Variants in TBCD observed in about 807,000 individuals in gnomAD.
TBCD encodes tubulin-specific chaperone D.
In TBCD, 105 loss-of-function variants were observed where a neutral mutation model predicts 169.3. The ratio of observed to expected loss-of-function variants is 0.62; its 90% CI spans 0.53 to 0.73. The LOEUF is 0.73. TBCD is among the 30% of genes least tolerant of loss of function. TBCD has a pLI of 0.00. For synonymous variants in TBCD, 700 were observed against 643.9 expected (o/e 1.09, Z -1.32); for missense variants, 1,444 against 1,600.1 (o/e 0.90, Z 1.66).
chr17:82,915,539 GA>G lies in TBCD; in HGVS notation c.2038+3753del, dbSNP rs1177624333. Among the ~76,000 whole-genome samples the G allele has an allele frequency of 1.3e-5, 2 of 152,188 alleles. No homozygotes were observed. Among genetic ancestry groups the G allele is most frequent in the African/African-American group, 4.8e-5 (2 of 41,452 alleles). On this transcript the variant is annotated intron_variant, in intron 23 of 38. Coordinates refer to ENST00000355528, the MANE Select transcript of TBCD (RefSeq NM_005993.5). This position sits in a 1 kb window ranked among gnomAD's most constrained non-coding sequence, Gnocchi z 4.3. ...TTTCATGCTTTAGAATCAAAGGAAAGAAACAGGAACTCTGTTTAGTGAAGCA... is the reference window on the plus strand; with the variant it reads ...TTTCATGCTTTAGAATCAAAGGAAAGAACAGGAACTCTGTTTAGTGAAGCA...
At chr17:82,855,309 G>GGAGT (rs1242564635) in intron 13 of TBCD, among the ~76,000 whole-genome samples, 1 of 136,868 alleles carries the variant, frequency 7.3e-6, no homozygotes, top group South Asian at 2.3e-4. Context: ...TGCTCACGCT[G>GGAGT]GAGTGAGTGC....
intron 1 of TBCD, among the ~76,000 whole-genome samples, chr17:82,754,167 T>C (rs2047279800): frequency 6.6e-6 from 1 of 152,186 alleles, no homozygotes; most frequent in South Asian, 2.1e-4. Context: ...TGGAGTTTTA[T>C]TATTACTCAG....
rs1483116864 is a variant in TBCD at position 82,939,493 on chromosome 17, C to T, written c.3479+17C>T. ...CACTGCGTGGTGAGTGAAGGCCCTT[C>T]CTGCACGGCCACCTGGGCCTGGCAC... is the stretch of plus-strand genomic sequence containing the variant. On this transcript the variant is annotated intron_variant, in intron 37 of 38. Transcript: ENST00000355528. The T allele has an allele frequency of 6.3e-7, 1 of 1,597,552 alleles. No homozygotes were observed. Among genetic ancestry groups the T allele is most frequent in the Middle Eastern group, 1.7e-4 (1 of 6,046 alleles).
At chr17:82,829,154 C>T (rs2053244744) in intron 13 of TBCD, among the ~76,000 whole-genome samples, 2 of 152,196 alleles carry the variant, frequency 1.3e-5, no homozygotes, top group South Asian at 4.1e-4. Flanking sequence ...AATGTGCACA[C>T]ACCCGCAGAG....
chr17:82,807,683 C>A lies in TBCD; in HGVS notation c.1148+15C>A. On this transcript the variant is annotated intron_variant, in intron 11 of 38. Transcript: ENST00000355528. ...GCAGCCAAGGGGTAGGTGTCTGTGG[C>A]CGCAGAAGCACCCCGGGGGGTGGGC... 6.8e-7 allele frequency: 1 copy of A among 1,467,106 alleles called. No homozygotes were observed. The highest frequency in any genetic ancestry group is 1.4e-5 in the South Asian group (1 of 70,468). 90.9% of individuals were successfully genotyped at this position (1,467,106 alleles called of 1,614,324 possible).
chr17:82,859,538 G>C, intron 13 of TBCD: 1 of 985,400 alleles, frequency 1.0e-6, no homozygotes, highest in Non-Finnish European at 1.2e-6. Flanking sequence ...TGGGTGAGCA[G>C]ACACACAAGC....
chr17:82,874,351 G>C lies in TBCD; in HGVS notation c.1475+3971G>C, dbSNP rs2057813578. On this transcript the variant is annotated intron_variant, in intron 14 of 38. Coordinates refer to ENST00000355528, the MANE Select transcript of TBCD (RefSeq NM_005993.5). This position sits in a 1 kb window ranked among gnomAD's most constrained non-coding sequence, Gnocchi z 5.0. ...GCCTCCCCGGCATGTGGCGGGGCCA[G>C]CGTTGGCCTGGGTCCCACTTGGCTT... Among the ~76,000 whole-genome samples the C allele has an allele frequency of 6.6e-6, 1 of 152,162 alleles. No homozygotes were observed. Among genetic ancestry groups the C allele is most frequent in the African/African-American group, 2.4e-5 (1 of 41,442 alleles).
chr17:82,823,308 T>C (rs1295784059), intron 13 of TBCD, among the ~76,000 whole-genome samples: 4 of 152,300 alleles, frequency 2.6e-5, no homozygotes, highest in African/African-American at 4.8e-5. Context: ...CTGGGAGAGG[T>C]TGGGTCTGAG....
intron 14 of TBCD, chr17:82,877,014 C>T (rs2058023064): frequency 1.0e-6 from 1 of 979,256 alleles, no homozygotes; most frequent in Non-Finnish European, 1.2e-6. Context: ...AGTTTCTTCT[C>T]TTTTTTCCAT....
chr17:82,920,738 T>C lies in TBCD; in HGVS notation c.2101+120T>C, dbSNP rs1375290484. ...ATTATAGCTTAAAGGTTCAAGATAT[T>C]AATCGGATACGTTGCCTTGAAGTTG... On this transcript the variant is annotated intron_variant, in intron 24 of 38. Coordinates refer to ENST00000355528, the MANE Select transcript of TBCD (RefSeq NM_005993.5). This position sits in a 1 kb window ranked among gnomAD's most constrained non-coding sequence, Gnocchi z 4.1. 8 of 931,766 alleles carry C rather than the reference T, an allele frequency of 8.6e-6. No individual in the cohort carries two copies. Among genetic ancestry groups the C allele is most frequent in the Non-Finnish European group, 1.3e-5 (8 of 620,796 alleles). The allele number at this position is 931,766 out of a possible 1,614,324, so 57.7% of individuals were successfully genotyped here. A position where few individuals can be genotyped will look rare whatever the true frequency, so the allele number is the denominator to read the frequency against.
intron 13 of TBCD, among the ~76,000 whole-genome samples, chr17:82,855,041 C>CT (rs2056133278): frequency 6.8e-6 from 1 of 146,608 alleles, no homozygotes; most frequent in African/African-American, 2.8e-5. Flanking sequence ...TCGCATCTCC[C>CT]TGTGGCCTTC....
intron 23 of TBCD, among the ~76,000 whole-genome samples, chr17:82,919,565 G>A (rs2061288373): frequency 1.3e-5 from 2 of 152,110 alleles, no homozygotes; most frequent in South Asian, 4.1e-4. Context: ...ATGCAGAAGA[G>A]GAGCAGACTC....
Position 82,934,630 on chromosome 17 carries a change from G to A in TBCD, c.3191+1895G>A, listed in dbSNP as rs1230062853. On this transcript the variant is annotated intron_variant, in intron 34 of 38. Coordinates refer to ENST00000355528, the MANE Select transcript of TBCD (RefSeq NM_005993.5). ...TGGGATTACAGGCATGTGCTACCAT[G>A]CCCAGGTAATTTTGTATTTTTAGTA... Among the ~76,000 whole-genome samples the A allele has an allele frequency of 1.3e-5, 2 of 151,976 alleles. 1 individual carries two copies. The highest frequency in any genetic ancestry group is 4.2e-4 in the South Asian group (2 of 4,818).
rs2146256674 is a variant in TBCD, at chr17:82,884,265, T to A, written c.1533+63T>A. 6.9e-7 allele frequency: 1 copy of A among 1,440,902 alleles called. No homozygotes were observed. Among genetic ancestry groups the A allele is most frequent in the Non-Finnish European group, 9.6e-7 (1 of 1,046,168 alleles). 89.3% of individuals were successfully genotyped at this position (1,440,902 alleles called of 1,614,324 possible). On this transcript the variant is annotated intron_variant, in intron 15 of 38. Coordinates refer to ENST00000355528, the MANE Select transcript of TBCD (RefSeq NM_005993.5). The surrounding 1 kb of genome is among the most constrained non-coding windows in gnomAD (Gnocchi z 4.2). ...TGGGGGGTGGGCCTGGTCTCCCTGATGCTCCTCTGTGCACTGCTGCCTGGC... is the reference window on the plus strand; with the variant it reads ...TGGGGGGTGGGCCTGGTCTCCCTGAAGCTCCTCTGTGCACTGCTGCCTGGC...
intron 16 of TBCD, 98 bp from the exon 17 acceptor site, chr17:82,893,449 C>G (rs1039713743): frequency 5.2e-6 from 5 of 970,702 alleles, no homozygotes; most frequent in Non-Finnish European, 6.2e-6. Flanking sequence ...GCTCGGGGTT[C>G]ATGAGTGTAA....
Position 82,923,295 on chromosome 17 carries a change from G to A in TBCD, c.2179-357G>A, listed in dbSNP as rs1462307988. ...AGTTGTAGTGGTAGTAAAGTGATGC[G>A]TGTATCTGACAGATGATGGTGAGCA... On this transcript the variant is annotated intron_variant, in intron 25 of 38. Coordinates refer to ENST00000355528, the MANE Select transcript of TBCD (RefSeq NM_005993.5). The surrounding 1 kb of genome is among the most constrained non-coding windows in gnomAD (Gnocchi z 4.6). Among the ~76,000 whole-genome samples, 4 of 152,234 alleles carry A rather than the reference G, an allele frequency of 2.6e-5. No homozygotes were observed. The highest frequency in any genetic ancestry group is 1.9e-4 in the East Asian group (1 of 5,198).
chr17:82,900,644 T>C lies in TBCD; in HGVS notation c.1650-7T>C, dbSNP rs1421307613. The C allele has an allele frequency of 6.2e-7, 1 of 1,613,410 alleles. No homozygotes were observed. Among genetic ancestry groups the C allele is most frequent in the African/African-American group, 1.3e-5 (1 of 74,928 alleles). On this transcript the variant is annotated splice_region_variant and splice_polypyrimidine_tract_variant and intron_variant, in intron 17 of 38. Coordinates refer to ENST00000355528, the MANE Select transcript of TBCD (RefSeq NM_005993.5). ...GTCTCACCACCTCTCCATGCTGTCT[T>C]TTCCAGTGTGTTTATTGCCGGCTTT... is the stretch of plus-strand genomic sequence containing the variant.
rs1050889117 is a variant in TBCD at position 82,782,656 on chromosome 17, G to C, written c.771+935G>C. ...CCGCCGCGCCTGGAAGGACACTTTG[G>C]AGCGCGTTTTAGGGGAGATGATGAG... On this transcript the variant is annotated intron_variant, in intron 7 of 38. Coordinates refer to ENST00000355528, the MANE Select transcript of TBCD (RefSeq NM_005993.5). The surrounding 1 kb of genome is among the most constrained non-coding windows in gnomAD (Gnocchi z 5.1). Among the ~76,000 whole-genome samples, 5 of 152,190 alleles carry C rather than the reference G, an allele frequency of 3.3e-5. No individual in the cohort carries two copies. The highest frequency in any genetic ancestry group is 4.8e-5 in the African/African-American group (2 of 41,448).
intron 17 of TBCD, among the ~76,000 whole-genome samples, chr17:82,897,192 C>A (rs1252090077): frequency 6.6e-6 from 1 of 151,974 alleles, no homozygotes; most frequent in Non-Finnish European, 1.5e-5. Context: ...TTTCAGTATC[C>A]TGTATATTCC....
Sources: allele counts gnomAD v4.1 joint callset (sites outside exome capture counted in the v4.1 genomes callset), GRCh38; gene constraint gnomAD v4.1.1; non-coding constraint Gnocchi (gnomAD v3.1); transcripts MANE v1.5; gene names NCBI Gene and HGNC (gene_info 2026-07-23, HGNC 2026-07-21).